CHORDC1: variants seen among roughly 807,000 people sequenced by gnomAD.
The protein encoded by CHORDC1 is cysteine and histidine rich domain containing 1.
CHORDC1 carries 25 observed loss-of-function variants against 48.3 expected under a neutral mutation model. The ratio of observed to expected loss-of-function variants is 0.52; its 90% confidence interval spans 0.38 to 0.72. The LOEUF is 0.72. Ranked by LOEUF, CHORDC1 falls within the 30% of genes least tolerant of loss-of-function variation. The pLI is 0.00. For missense variants in CHORDC1, 317 were observed against 388.7 expected, an observed-to-expected ratio of 0.82 and a Z score of 1.55; for synonymous variants, 128 against 126.4, an observed-to-expected ratio of 1.01 and a Z score of -0.09.
rs567088025 is a variant in CHORDC1, at chr11:90,222,743, G to T, written c.64+148C>A. 2.6e-5 allele frequency: 20 copies of T among 766,438 alleles called. No individual in the cohort carries two copies. In the African/African-American group the frequency reaches 2.9e-4, roughly 11 times the overall value. The allele number at this position is 766,438 out of a possible 1,614,324, so 47.5% of individuals were successfully genotyped here. A position where few individuals can be genotyped will look rare whatever the true frequency, so the allele number is the denominator to read the frequency against. On this transcript the variant is annotated intron_variant, in intron 1 of 10. Coordinates refer to ENST00000320585, the MANE Select transcript of CHORDC1 (RefSeq NM_012124.3). ...AACAGAGGGGCGGCCGGCGGGCTGCGCGGGCAGCCAAGGGAGGCCCAGGAG... is the reference window on the plus strand; with the variant it reads ...AACAGAGGGGCGGCCGGCGGGCTGCTCGGGCAGCCAAGGGAGGCCCAGGAG...
intron 4 of CHORDC1, chr11:90,212,171 A>T: frequency 6.6e-6 from 1 of 152,088 alleles, no homozygotes; most frequent in East Asian, 1.9e-4. Flanking sequence ...ACCAAATCTC[A>T]TCTTGAATTC....
rs2135022929 is a variant in CHORDC1 at position 90,202,140 on chromosome 11, G to C, written c.*265C>G. ...AGAAATACTGCAATTATGGTTATGGGCTACTTTCCAGCCTCTTCAAGTATA... is the reference window on the plus strand; with the variant it reads ...AGAAATACTGCAATTATGGTTATGGCCTACTTTCCAGCCTCTTCAAGTATA... On this transcript the variant is annotated 3_prime_UTR_variant, in exon 11 of 11. Transcript: ENST00000320585. The C allele has an allele frequency of 3.0e-6, 1 of 330,970 alleles. No individual in the cohort carries two copies. Among genetic ancestry groups the C allele is most frequent in the East Asian group, 5.1e-5 (1 of 19,738 alleles). The allele number at this position is 330,970 out of a possible 1,614,324, so 20.5% of individuals were successfully genotyped here.
chr11:90,202,579 A>C (rs1376711139), intron 10 of CHORDC1, 28 bp from the exon 11 acceptor site: 1 of 1,606,858 alleles, frequency 6.2e-7, no homozygotes, highest in African/African-American at 1.3e-5. Context: ...GAATTACAGG[A>C]AACCTCAGTA....
chr11:90,203,971 C>T (rs1857604282), intron 8 of CHORDC1, among the ~76,000 whole-genome samples: 1 of 152,078 alleles, frequency 6.6e-6, no homozygotes. Context: ...ATAATCCTTA[C>T]ATACCAGTAG....
chr11:90,203,232 A>C (rs544877308), intron 9 of CHORDC1, 76 bp downstream of exon 9: 1 of 1,354,722 alleles, frequency 7.4e-7, no homozygotes, highest in East Asian at 2.3e-5. Context: ...AGATATAAAC[A>C]ATACTTTAAA....
chr11:90,218,758 G>C (rs114812038), intron 1 of CHORDC1, among the ~76,000 whole-genome samples: 1 of 152,080 alleles, frequency 6.6e-6, no homozygotes, highest in Non-Finnish European at 1.5e-5. Context: ...TGTTTGGGAA[G>C]TGAGGAGCTC....
At chr11:90,214,802 G>A (rs1210624720) in intron 3 of CHORDC1, among the ~76,000 whole-genome samples, 2 of 151,894 alleles carry the variant, frequency 1.3e-5, no homozygotes, top group Non-Finnish European at 2.9e-5. Flanking sequence ...TTTCTTAGTG[G>A]TATATAAAGT....
intron 6 of CHORDC1, chr11:90,206,886 T>C: frequency 3.5e-6 from 2 of 573,214 alleles, no homozygotes; most frequent in Non-Finnish European, 2.9e-6. Context: ...TTTTTGTATT[T>C]ATAGCACTAC....
intron 5 of CHORDC1, 58 bp from the exon 6 acceptor site, chr11:90,210,652 T>C: frequency 4.5e-6 from 5 of 1,109,122 alleles, no homozygotes; most frequent in South Asian, 2.7e-5. Context: ...CGCTGTGGCA[T>C]CATTCTTAAA....
At position 90,211,195 on chromosome 11, in the gene CHORDC1, A is replaced by G; in HGVS notation, c.433+20T>C. On this transcript the variant is annotated intron_variant, in intron 5 of 10. Coordinates refer to ENST00000320585, the MANE Select transcript of CHORDC1 (RefSeq NM_012124.3). Reference sequence around the variant, plus strand: ...ACTGTACCAGAAAATAATTAACAATAAAACAAAATAAAATCTTACCTTTCT... The same window carrying G: ...ACTGTACCAGAAAATAATTAACAATGAAACAAAATAAAATCTTACCTTTCT... The G allele has an allele frequency of 6.8e-7, 1 of 1,468,680 alleles. No homozygotes were observed. Among genetic ancestry groups the G allele is most frequent in the Non-Finnish European group, 9.5e-7 (1 of 1,053,642 alleles). The allele number at this position is 1,468,680 out of a possible 1,614,324, so 91.0% of individuals were successfully genotyped here.
chr11:90,220,864 T>C (rs941131141), intron 1 of CHORDC1, among the ~76,000 whole-genome samples: 1 of 152,138 alleles, frequency 6.6e-6, no homozygotes, highest in Non-Finnish European at 1.5e-5. Flanking sequence ...TCAGTTTTCC[T>C]CGTATACGTC....
At chr11:90,216,446 C>T (rs1044681719) in intron 2 of CHORDC1, 2 of 287,942 alleles carry the variant, frequency 6.9e-6, no homozygotes, top group Admixed American at 1.1e-4. Flanking sequence ...TTTGTCAATG[C>T]AATGTTTAAC....
Position 90,202,878 on chromosome 11 carries a change from GA to G in CHORDC1, c.790-4del, listed in dbSNP as rs1383323819. Reference sequence around the variant, plus strand: ...TCAAATACAATATGCACATTTAACTGAAAAAGATATACACAGTTAATTGATC... The same window carrying G: ...TCAAATACAATATGCACATTTAACTGAAAAGATATACACAGTTAATTGATC... On this transcript the variant is annotated splice_region_variant and splice_polypyrimidine_tract_variant and intron_variant, in intron 9 of 10. Transcript: ENST00000320585. The G allele has an allele frequency of 1.3e-6, 2 of 1,591,854 alleles. No individual in the cohort carries two copies. The highest frequency in any genetic ancestry group is 2.7e-5 in the African/African-American group (2 of 73,708).
chr11:90,209,128 C>T (rs1376594342), intron 6 of CHORDC1: 1 of 152,140 alleles, frequency 6.6e-6, no homozygotes, highest in Admixed American at 6.5e-5. Context: ...CCAGTAATTA[C>T]TAATTCCCTT....
At position 90,215,525 on chromosome 11, in the gene CHORDC1, T is replaced by A. The variant is rs189839280; in HGVS notation, c.115-295A>T. On this transcript the variant is annotated intron_variant, in intron 2 of 10. Transcript: ENST00000320585. Reference sequence around the variant, plus strand: ...TCAACAATCGTGTCTGCTTTTTTTTTAGAAGAAAAACATGTTATAATTCCT... The same window carrying A: ...TCAACAATCGTGTCTGCTTTTTTTTAAGAAGAAAAACATGTTATAATTCCT... Among the ~76,000 whole-genome samples the A allele has an allele frequency of 2.2e-4, 34 of 152,104 alleles. 1 individual carries two copies. Among genetic ancestry groups the A allele is most frequent in the South Asian group, 8.3e-4 (4 of 4,826 alleles).
At chr11:90,206,859 C>T (rs1417186640) in intron 6 of CHORDC1, 1 of 822,978 alleles carries the variant, frequency 1.2e-6, no homozygotes. Context: ...TGGATGTAGC[C>T]AGTAGTATAT....
intron 1 of CHORDC1, among the ~76,000 whole-genome samples, chr11:90,219,602 C>T (rs1858112373): frequency 6.6e-6 from 1 of 152,240 alleles, no homozygotes; most frequent in Admixed American, 6.5e-5. Context: ...CAAACAATAG[C>T]ATGAGCCATA....
chr11:90,209,648 G>C (rs2135038717), intron 6 of CHORDC1, among the ~76,000 whole-genome samples: 1 of 152,228 alleles, frequency 6.6e-6, no homozygotes, highest in Non-Finnish European at 1.5e-5. Flanking sequence ...AAATGTTGGA[G>C]GATATGCAAG....
At position 90,202,329 on chromosome 11, in the gene CHORDC1, T is replaced by C; in HGVS notation, c.*76A>G. ...AGTAACACAACAACAAAACAAAAGA[T>C]TACAGCAGCAAGCCACCACTTCACA... On this transcript the variant is annotated 3_prime_UTR_variant, in exon 11 of 11. Transcript: ENST00000320585. The C allele has an allele frequency of 2.2e-6, 3 of 1,383,244 alleles. No homozygotes were observed. Among genetic ancestry groups the C allele is most frequent in the Non-Finnish European group, 3.0e-6 (3 of 992,952 alleles). The allele number at this position is 1,383,244 out of a possible 1,614,324, so 85.7% of individuals were successfully genotyped here. A position where few individuals can be genotyped will look rare whatever the true frequency, so the allele number is the denominator to read the frequency against.
Sources: allele counts gnomAD v4.1 joint callset (sites outside exome capture counted in the v4.1 genomes callset), GRCh38; gene constraint gnomAD v4.1.1; transcripts MANE v1.5; gene names NCBI Gene and HGNC (gene_info 2026-07-23, HGNC 2026-07-21).